Variants in NRXN3 observed in about 807,000 individuals in gnomAD.
NRXN3 encodes the protein neurexin III.
Under a neutral mutation model 137.6 loss-of-function variants are expected in NRXN3, and 32 were observed. The observed-to-expected ratio is 0.23, with a 90% CI of 0.18 to 0.31. NRXN3 has a LOEUF of 0.31. NRXN3 is among the 10% of genes least tolerant of loss of function. The probability of loss-of-function intolerance (pLI) is 1.00; values close to 1 mark genes in which losing one functional copy is unlikely to be tolerated. For synonymous variants in NRXN3, 798 were observed against 784.5 expected, an observed-to-expected ratio of 1.02 and a Z score of -0.29; for missense variants, 1,574 against 2,062.5, an observed-to-expected ratio of 0.76 and a Z score of 4.59.
chr14:79,244,567 T>C (rs2074871336), intron 15 of NRXN3, among the ~76,000 whole-genome samples: 1 of 152,044 alleles, frequency 6.6e-6, no homozygotes, highest in African/African-American at 2.4e-5. Flanking sequence ...CGGTAGAGGT[T>C]TGTCAGAAAA....
chr14:78,703,122 G>A (rs565562394), intron 6 of NRXN3, among the ~76,000 whole-genome samples: 40 of 152,322 alleles, frequency 2.6e-4, no homozygotes, highest in Non-Finnish European at 4.9e-4. Flanking sequence ...CATTTGTTAA[G>A]CACCTATATA....
At chr14:78,938,469 A>G (rs1401134832) in intron 10 of NRXN3, among the ~76,000 whole-genome samples, 1 of 152,170 alleles carries the variant, frequency 6.6e-6, no homozygotes, top group East Asian at 1.9e-4. Context: ...TGTTGTGATC[A>G]TGGTGGGCTA....
chr14:78,858,821 G>A (rs1342462217), intron 10 of NRXN3, among the ~76,000 whole-genome samples: 1 of 152,164 alleles, frequency 6.6e-6, no homozygotes, highest in Non-Finnish European at 1.5e-5. Context: ...ACAAATATGT[G>A]AGCTCATTTT....
chr14:79,406,290 CCTCCT>C (rs1438239296), intron 15 of NRXN3, among the ~76,000 whole-genome samples: 19 of 149,940 alleles, frequency 1.3e-4, no homozygotes, highest in Admixed American at 3.3e-4. Flanking sequence ...CCTCTTCTCC[CCTCCT>C]CTCCTCTCCT....
intron 4 of NRXN3, among the ~76,000 whole-genome samples, chr14:78,435,033 G>C (rs2094014557): frequency 6.6e-6 from 1 of 152,170 alleles, no homozygotes; most frequent in South Asian, 2.1e-4. Flanking sequence ...AACTTGACTT[G>C]GTACCAGGTA....
At chr14:78,889,679 A>C (rs2152695057) in intron 10 of NRXN3, among the ~76,000 whole-genome samples, 2 of 152,162 alleles carry the variant, frequency 1.3e-5, no homozygotes, top group Middle Eastern at 6.8e-3. Context: ...TCATTAATAC[A>C]GAAGACAAAG....
At chr14:78,295,510 G>T (rs2076222382) in intron 3 of NRXN3, among the ~76,000 whole-genome samples, 1 of 151,982 alleles carries the variant, frequency 6.6e-6, no homozygotes, top group Non-Finnish European at 1.5e-5. Flanking sequence ...TCCACTGCAG[G>T]GTTCTATTAA....
chr14:78,780,018 G>T lies in NRXN3; in HGVS notation c.2045-23602G>T, dbSNP rs78021185. Among the ~76,000 whole-genome samples, 859 of 152,170 alleles carry T rather than the reference G, an allele frequency of 5.6e-3. 7 individuals are homozygous for T. Among genetic ancestry groups the T allele is most frequent in the East Asian group, 0.033 (168 of 5,150 alleles). On this transcript the variant is annotated intron_variant, in intron 8 of 20. Coordinates refer to ENST00000335750, the MANE Select transcript of NRXN3 (RefSeq NM_001330195.2). The stretch of plus-strand genomic sequence containing the variant: ...AGCCAAGACAACTCTTGGGGGTGGG[G>T]AAAAACCCAAGAGAAAAGACTTGCC...
rs146833501 is a variant in NRXN3, at chr14:79,858,502, G to A, written c.4094-2840G>A. The stretch of plus-strand genomic sequence containing the variant: ...CAGGGCTTTGCCTCCTAAGATATCA[G>A]TTATTCCTTGTCCTTTAACCTAGTT... On this transcript the variant is annotated intron_variant, in intron 20 of 20. Transcript: ENST00000335750. Among the ~76,000 whole-genome samples the A allele has an allele frequency of 7.6e-4, 115 of 152,226 alleles. 3 individuals are homozygous for A. The South Asian group carries it at 0.017, about 23-fold the overall frequency.
chr14:79,374,226 C>T (rs1449911113), intron 15 of NRXN3, among the ~76,000 whole-genome samples: 2 of 152,122 alleles, frequency 1.3e-5, no homozygotes, highest in Non-Finnish European at 2.9e-5. Flanking sequence ...AAAATTAACT[C>T]ATAAGCTCCC....
At chr14:79,508,550 C>T (rs1288569333) in intron 16 of NRXN3, among the ~76,000 whole-genome samples, 5 of 151,314 alleles carry the variant, frequency 3.3e-5, no homozygotes, top group South Asian at 2.1e-4. Flanking sequence ...CTACCACGCC[C>T]GGCTAGTTTT....
chr14:78,220,860 A>T (rs2063779796), intron 1 of NRXN3, among the ~76,000 whole-genome samples: 1 of 152,060 alleles, frequency 6.6e-6, no homozygotes, highest in South Asian at 2.1e-4. Flanking sequence ...GGCCTTCATG[A>T]CTAAAAACCT....
In NRXN3 at chr14:79,481,515, C is replaced by T. The variant is rs185121808; in HGVS notation, c.3444+14113C>T. Among the ~76,000 whole-genome samples, 317 of 152,238 alleles carry T rather than the reference C, an allele frequency of 2.1e-3. 1 individual carries two copies. The highest frequency in any genetic ancestry group is 6.5e-3 in the African/African-American group (269 of 41,552). On this transcript the variant is annotated intron_variant, in intron 16 of 20. Coordinates refer to ENST00000335750, the MANE Select transcript of NRXN3 (RefSeq NM_001330195.2). ...AAACCTGCACAGCGTGTTCCTGTGACGAATACTGTAGGCAATTGTAATGCA... is the reference window on the plus strand; with the variant it reads ...AAACCTGCACAGCGTGTTCCTGTGATGAATACTGTAGGCAATTGTAATGCA...
intron 16 of NRXN3, among the ~76,000 whole-genome samples, chr14:79,502,137 A>C (rs2096832003): frequency 6.6e-6 from 1 of 152,210 alleles, no homozygotes; most frequent in South Asian, 2.1e-4. Flanking sequence ...TGGCATGATC[A>C]TCACAAAGAA....
intron 8 of NRXN3, among the ~76,000 whole-genome samples, chr14:78,788,079 C>T (rs991623206): frequency 5.3e-5 from 8 of 152,062 alleles, no homozygotes; most frequent in African/African-American, 1.9e-4. Context: ...TCAAGATTTA[C>T]GTAAGGGAAA....
At chr14:78,452,428 G>A (rs1318683032) in intron 4 of NRXN3, among the ~76,000 whole-genome samples, 1 of 152,158 alleles carries the variant, frequency 6.6e-6, no homozygotes, top group Non-Finnish European at 1.5e-5. Context: ...GTGGATGAGG[G>A]GAAGGGAAGT....
chr14:79,738,689 G>A (rs1331129263), intron 19 of NRXN3, among the ~76,000 whole-genome samples: 2 of 152,064 alleles, frequency 1.3e-5, no homozygotes, highest in Non-Finnish European at 2.9e-5. Context: ...CTCCCAAGTA[G>A]CTGGGATTAC....
intron 4 of NRXN3, among the ~76,000 whole-genome samples, chr14:78,319,666 G>A (rs2079102503): frequency 6.6e-6 from 1 of 152,160 alleles, no homozygotes; most frequent in African/African-American, 2.4e-5. Context: ...TACATTCTCA[G>A]TAACCTGGAG....
In NRXN3 at chr14:79,076,741, A is replaced by G. The variant is rs182580816; in HGVS notation, c.3262+88600A>G. Reference sequence around the variant, plus strand: ...AGGGTATGAATACCAGGAGGCTGAGACAGTTGGGAGCCACCTTATAGACTG... The same window carrying G: ...AGGGTATGAATACCAGGAGGCTGAGGCAGTTGGGAGCCACCTTATAGACTG... On this transcript the variant is annotated intron_variant, in intron 15 of 20. Coordinates refer to ENST00000335750, the MANE Select transcript of NRXN3 (RefSeq NM_001330195.2). 7.9e-5 allele frequency among the ~76,000 whole-genome samples: 12 copies of G among 152,330 alleles called. No individual in the cohort carries two copies. In the East Asian group the frequency reaches 2.3e-3, roughly 29 times the overall value.
Sources: allele counts gnomAD v4.1 joint callset (sites outside exome capture counted in the v4.1 genomes callset), GRCh38; gene constraint gnomAD v4.1.1; transcripts MANE v1.5; gene names NCBI Gene and HGNC (gene_info 2026-07-23, HGNC 2026-07-21).